Variants in BEND3 observed in about 807,000 individuals in gnomAD.
The protein encoded by BEND3 is BEN domain-containing protein 3.
In BEND3, 13 loss-of-function variants were observed where a neutral mutation model predicts 60.1. The ratio of observed to expected loss-of-function variants is 0.22; its 90% CI spans 0.14 to 0.34. The LOEUF (loss-of-function observed/expected upper bound fraction) is 0.34, where lower values mean the gene tolerates loss of function less well. BEND3 is among the 10% of genes least tolerant of loss of function. The pLI is 1.00. For synonymous variants in BEND3, 497 were observed against 491.5 expected, an observed-to-expected ratio of 1.01 and a Z score of -0.15; for missense variants, 896 against 1,138.1, an observed-to-expected ratio of 0.79 and a Z score of 3.06.
In BEND3 at chr6:107,098,628, T is replaced by C. The variant is rs782036336; in HGVS notation, c.163A>G (p.Ser55Gly). ...DSVLTALQDSSKRKQLVSDGL... is the reference protein window; with the variant it reads ...DSVLTALQDSGKRKQLVSDGL... ...TCGCTGACCAGCTGCTTTCGTTTGC[T>C]GGAGTCCTGCAGGGCAGTGAGGACG... Residue 55 changes from serine to glycine, a missense_variant, in exon 3 of 4, where the codon AGC becomes GGC. Around this residue, in one of 4 missense-constraint regions of BEND3, gnomAD observed 846 missense variants for 1,036.7 expected, o/e 0.82. Transcript: ENST00000369042. 6.8e-6 allele frequency: 11 copies of C among 1,614,008 alleles called. No homozygotes were observed. The highest frequency in any genetic ancestry group is 9.3e-6 in the Non-Finnish European group (11 of 1,180,032).
chr6:107,077,024 T>C (rs1775115190), intron 3 of BEND3, among the ~76,000 whole-genome samples: 1 of 152,092 alleles, frequency 6.6e-6, no homozygotes, highest in South Asian at 2.1e-4. Context: ...ATTTTTTTTG[T>C]ATTTTTAGTA....
In BEND3 at chr6:107,094,826, T is replaced by C. The variant is rs536670274; in HGVS notation, c.240+3725A>G. On this transcript the variant is annotated intron_variant, in intron 3 of 3. Transcript: ENST00000369042. ...GCTGACTATGTCACTGCCTTTTTTT[T>C]TTTTTTTTTTTTGAGACAGGGTCTC... Among the ~76,000 whole-genome samples the C allele has an allele frequency of 2.1e-5, 3 of 143,720 alleles. No individual in the cohort carries two copies. The South Asian group carries it at 6.8e-4, about 33-fold the overall frequency. 94.3% of individuals were successfully genotyped at this position (143,720 alleles called of 152,430 possible).
intron 3 of BEND3, among the ~76,000 whole-genome samples, chr6:107,090,582 G>T (rs538040911): frequency 1.1e-3 from 170 of 152,050 alleles, no homozygotes; most frequent in Non-Finnish European, 1.7e-3. Flanking sequence ...GCTTGTGTGT[G>T]TGCACGCGCG....
intron 3 of BEND3, among the ~76,000 whole-genome samples, chr6:107,095,345 T>A (rs1450490028): frequency 3.3e-5 from 5 of 152,040 alleles, no homozygotes; most frequent in East Asian, 1.9e-4. Flanking sequence ...AAATTTTTTT[T>A]AAACTAAACA....
At position 107,098,650 on chromosome 6, in the gene BEND3, G is replaced by A; in HGVS notation, c.141C>T (p.Val47=). The change falls in exon 3 of 4, where the codon GTC becomes GTT. Residue 47 remains valine (V), a synonymous_variant. Transcript: ENST00000369042. ...RTSEKHSVDS[V]LTALQDSSKR... The stretch of plus-strand genomic sequence containing the variant: ...TGCTGGAGTCCTGCAGGGCAGTGAG[G>A]ACGCTGTCCACAGAGTGCTTCTCAG... 6.2e-7 allele frequency: 1 copy of A among 1,614,084 alleles called. No homozygotes were observed. Among genetic ancestry groups the A allele is most frequent in the Non-Finnish European group, 8.5e-7 (1 of 1,180,042 alleles).
chr6:107,080,252 G>A (rs1775197244), intron 3 of BEND3, among the ~76,000 whole-genome samples: 1 of 151,088 alleles, frequency 6.6e-6, no homozygotes, highest in Admixed American at 6.6e-5. Flanking sequence ...GCCACTGGGA[G>A]GCTGAGGTGA....
intron 3 of BEND3, among the ~76,000 whole-genome samples, chr6:107,088,007 C>CTTT (rs374298071): frequency 0.056 from 7,303 of 130,122 alleles, 291 homozygotes; most frequent in Middle Eastern, 0.1. Flanking sequence ...ATGAAGAGCC[C>CTTT]TTTTTTTTTT....
chr6:107,073,261 A>C lies in BEND3; in HGVS notation c.241-2311T>G, dbSNP rs548870202. On this transcript the variant is annotated intron_variant, in intron 3 of 3. Transcript: ENST00000369042. ...TATATATATATATATATATATATAT[A>C]TATGTATGTGAGCAAATGGTCAGTG... is the stretch of plus-strand genomic sequence containing the variant. 2.4e-4 allele frequency among the ~76,000 whole-genome samples: 6 copies of C among 25,490 alleles called. 1 individual carries two copies. Among genetic ancestry groups the C allele is most frequent in the African/African-American group, 6.4e-4 (6 of 9,400 alleles). 16.7% of individuals were successfully genotyped at this position (25,490 alleles called of 152,430 possible).
At chr6:107,107,753 C>T (rs965767306) in intron 1 of BEND3, among the ~76,000 whole-genome samples, 7 of 152,166 alleles carry the variant, frequency 4.6e-5, no homozygotes, top group South Asian at 2.1e-4. Flanking sequence ...TGAGCCATCC[C>T]GCCCAGCCTA....
Position 107,068,935 on chromosome 6 carries a change from G to A in BEND3, c.2256C>T (p.Phe752=). The change falls in exon 4 of 4, where the codon TTC becomes TTT. Residue 752 remains phenylalanine, a synonymous_variant. Coordinates refer to ENST00000369042, the MANE Select transcript of BEND3 (RefSeq NM_001367314.1). The surrounding 1 kb of genome is among the most constrained non-coding windows in gnomAD (Gnocchi z 5.8). The part of the protein sequence containing the change: ...RLLVRLFPEL[F]TAENLRLQYN... Reference sequence around the variant, plus strand: ...ACTGCAGCCGGAGGTTCTCGGCGGTGAAGAGTTCGGGAAACAGGCGGACGA... The same window carrying A: ...ACTGCAGCCGGAGGTTCTCGGCGGTAAAGAGTTCGGGAAACAGGCGGACGA... 6.2e-7 allele frequency: 1 copy of A among 1,614,008 alleles called. No individual in the cohort carries two copies. Among genetic ancestry groups the A allele is most frequent in the Non-Finnish European group, 8.5e-7 (1 of 1,180,040 alleles).
chr6:107,098,434 C>G, intron 3 of BEND3, 117 bp downstream of exon 3: 1 of 1,042,750 alleles, frequency 9.6e-7, no homozygotes, highest in Non-Finnish European at 1.4e-6. Flanking sequence ...TTAAATGAAA[C>G]CTTCCCATGC....
At chr6:107,080,714 T>C (rs1775214522) in intron 3 of BEND3, among the ~76,000 whole-genome samples, 1 of 151,880 alleles carries the variant, frequency 6.6e-6, no homozygotes, top group Non-Finnish European at 1.5e-5. Flanking sequence ...AAACCCCATC[T>C]CTAATAAAAA....
chr6:107,098,622 G>A lies in BEND3; in HGVS notation c.169C>T (p.Arg57Ter). Residue 57 changes from arginine (R) to a stop codon, truncating the protein, a stop_gained, in exon 3 of 4, where the codon CGA becomes TGA. Transcript: ENST00000369042. LOFTEE classifies it high-confidence loss of function. ...AGGCCATCGCTGACCAGCTGCTTTCGTTTGCTGGAGTCCTGCAGGGCAGTG... is the reference window on the plus strand; with the variant it reads ...AGGCCATCGCTGACCAGCTGCTTTCATTTGCTGGAGTCCTGCAGGGCAGTG... ...VLTALQDSSK[R>*]KQLVSDGLLD... 6.2e-7 allele frequency: 1 copy of A among 1,613,896 alleles called. No individual in the cohort carries two copies. The highest frequency in any genetic ancestry group is 8.5e-7 in the Non-Finnish European group (1 of 1,180,042).
At chr6:107,098,825 C>G (rs1775644388) in intron 2 of BEND3, 72 bp from the exon 3 acceptor site, 1 of 1,360,284 alleles carries the variant, frequency 7.4e-7, no homozygotes, top group Non-Finnish European at 1.0e-6. Flanking sequence ...GTTCTCTGAG[C>G]AGCAGGGTGT....
chr6:107,075,143 T>C (rs1775074720), intron 3 of BEND3, among the ~76,000 whole-genome samples: 1 of 150,820 alleles, frequency 6.6e-6, no homozygotes, highest in Non-Finnish European at 1.5e-5. Flanking sequence ...GGAGGATCAC[T>C]TGAGTCTTGG....
intron 3 of BEND3, among the ~76,000 whole-genome samples, chr6:107,076,650 T>TCAC (rs1775106978): frequency 6.6e-6 from 1 of 152,058 alleles, no homozygotes; most frequent in Non-Finnish European, 1.5e-5. Flanking sequence ...GTTCAATGAA[T>TCAC]GAGTGGCTCA....
intron 3 of BEND3, among the ~76,000 whole-genome samples, chr6:107,075,630 A>G (rs1326663165): frequency 1.2e-4 from 18 of 152,240 alleles, no homozygotes; most frequent in Admixed American, 1.2e-3. Context: ...ATTACAAATC[A>G]TAACTATATT....
chr6:107,071,721 G>A lies in BEND3; in HGVS notation c.241-771C>T, dbSNP rs192779268. On this transcript the variant is annotated intron_variant, in intron 3 of 3. Transcript: ENST00000369042. Reference sequence around the variant, plus strand: ...TCAGCAATAAGATATTATTGATACAGTACACAAAGTACTCATGATAAATCT... The same window carrying A: ...TCAGCAATAAGATATTATTGATACAATACACAAAGTACTCATGATAAATCT... 1.6e-4 allele frequency among the ~76,000 whole-genome samples: 25 copies of A among 152,264 alleles called. No homozygotes were observed. The South Asian group carries it at 1.7e-3, about 10-fold the overall frequency.
chr6:107,101,843 A>T (rs1554236778), intron 1 of BEND3, among the ~76,000 whole-genome samples: 2 of 152,182 alleles, frequency 1.3e-5, no homozygotes, highest in Non-Finnish European at 2.9e-5. Flanking sequence ...GGTCACCTGA[A>T]TGCCCCTGCC....
Sources: allele counts gnomAD v4.1 joint callset (sites outside exome capture counted in the v4.1 genomes callset), GRCh38; gene constraint gnomAD v4.1.1; regional missense constraint gnomAD v4.1.1; non-coding constraint Gnocchi (gnomAD v3.1); transcripts MANE v1.5; gene names NCBI Gene and HGNC (gene_info 2026-07-23, HGNC 2026-07-21).